EDIL3: variants seen among roughly 807,000 people sequenced by gnomAD.
EDIL3 encodes EGF like and discoidin domains 3.
A neutral mutation model predicts 67.4 loss-of-function variants in EDIL3; 37 were observed. The observed-to-expected ratio is 0.55, with a 90% CI of 0.42 to 0.72. The LOEUF is 0.72. EDIL3 is among the 30% of genes least tolerant of loss of function. The pLI, the probability that EDIL3 is intolerant of heterozygous loss-of-function variation, is 0.00. For synonymous variants in EDIL3, 195 were observed against 196.3 expected (o/e 0.99, Z 0.05); for missense variants, 527 against 586.3 (o/e 0.90, Z 1.04).
In EDIL3 at chr5:84,170,504, T is replaced by C. The variant is rs187153739; in HGVS notation, c.355+9889A>G. On this transcript the variant is annotated intron_variant, in intron 4 of 10. Coordinates refer to ENST00000296591, the MANE Select transcript of EDIL3 (RefSeq NM_005711.5). Reference sequence around the variant, plus strand: ...ACAACAGCAGTGGTATTCTGAAAAATAGTAAGTAAGCTCTCATTAAATATT... The same window carrying C: ...ACAACAGCAGTGGTATTCTGAAAAACAGTAAGTAAGCTCTCATTAAATATT... 2.4e-3 allele frequency among the ~76,000 whole-genome samples: 364 copies of C among 152,232 alleles called. 1 individual carries two copies. The highest frequency in any genetic ancestry group is 8.5e-3 in the African/African-American group (352 of 41,552).
In EDIL3 at chr5:84,303,808, CTGTGTGTG is replaced by C. The variant is rs199605264; in HGVS notation, c.68-49604_68-49597del. Among the ~76,000 whole-genome samples the C allele has an allele frequency of 8.1e-3, 1,102 of 135,384 alleles. 4 individuals carry two copies. The highest frequency in any genetic ancestry group is 0.011 in the Non-Finnish European group (713 of 63,430). The allele number at this position is 135,384 out of a possible 152,430, so 88.8% of individuals were successfully genotyped here. A position where few individuals can be genotyped will look rare whatever the true frequency, so the allele number is the denominator to read the frequency against. On this transcript the variant is annotated intron_variant, in intron 1 of 10. Coordinates refer to ENST00000296591, the MANE Select transcript of EDIL3 (RefSeq NM_005711.5). ...TTGAACAGCATGTCTCTCTCTCTCT[CTGTGTGTG>C]TGTGTGTGTGTGTGTGTGTGTGTGT...
intron 3 of EDIL3, among the ~76,000 whole-genome samples, chr5:84,205,248 A>G (rs1743943757): frequency 6.6e-6 from 1 of 152,032 alleles, no homozygotes; most frequent in African/African-American, 2.4e-5. Flanking sequence ...TAACATATAT[A>G]TATATACCTA....
At chr5:84,075,164 A>G (rs974132828) in intron 6 of EDIL3, among the ~76,000 whole-genome samples, 1 of 151,378 alleles carries the variant, frequency 6.6e-6, no homozygotes, top group African/African-American at 2.4e-5. Context: ...ACACATGGAC[A>G]CAGGAATGGG....
intron 9 of EDIL3, among the ~76,000 whole-genome samples, chr5:83,979,918 C>T (rs1174132242): frequency 1.3e-5 from 2 of 151,996 alleles, no homozygotes; most frequent in African/African-American, 4.8e-5. Context: ...CCTAATGGGC[C>T]GGGTAACACA....
At chr5:84,065,851 C>G in intron 7 of EDIL3, among the ~76,000 whole-genome samples, 1 of 151,798 alleles carries the variant, frequency 6.6e-6, no homozygotes, top group East Asian at 1.9e-4. Flanking sequence ...CGCGGTGGCT[C>G]ACGCCTGTAA....
intron 4 of EDIL3, among the ~76,000 whole-genome samples, chr5:84,146,440 G>A (rs1748290665): frequency 6.6e-6 from 1 of 151,986 alleles, no homozygotes; most frequent in African/African-American, 2.4e-5. Context: ...AGCCTTCAAG[G>A]TATTATTTTA....
At chr5:84,053,815 A>C (rs1746388027) in intron 9 of EDIL3, among the ~76,000 whole-genome samples, 1 of 152,216 alleles carries the variant, frequency 6.6e-6, no homozygotes, top group Non-Finnish European at 1.5e-5. Context: ...GGCAAGAATT[A>C]ATAGCTTACC....
At chr5:83,989,017 A>C (rs1480875596) in intron 9 of EDIL3, among the ~76,000 whole-genome samples, 2 of 152,186 alleles carry the variant, frequency 1.3e-5, no homozygotes, top group African/African-American at 4.8e-5. Flanking sequence ...TTAAGGAAAA[A>C]CAAAATCAAA....
chr5:84,024,610 G>A (rs759148266), intron 9 of EDIL3, among the ~76,000 whole-genome samples: 2 of 152,052 alleles, frequency 1.3e-5, no homozygotes, highest in Non-Finnish European at 2.9e-5. Flanking sequence ...CACTGACAAG[G>A]AATCAGAATC....
intron 1 of EDIL3, among the ~76,000 whole-genome samples, chr5:84,356,143 G>T (rs1747475869): frequency 6.6e-6 from 1 of 152,200 alleles, no homozygotes; most frequent in African/African-American, 2.4e-5. Flanking sequence ...GTGTTGGGAA[G>T]TGTAGCTTCA....
rs1486772230 is a variant in EDIL3, at chr5:84,363,075, A to AGTAAT, written c.67+21232_67+21233insATTAC. 4.1e-3 allele frequency among the ~76,000 whole-genome samples: 625 copies of AGTAAT among 152,258 alleles called. 4 individuals carry two copies. The highest frequency in any genetic ancestry group is 4.7e-3 in the Non-Finnish European group (321 of 68,014). On this transcript the variant is annotated intron_variant, in intron 1 of 10. Coordinates refer to ENST00000296591, the MANE Select transcript of EDIL3 (RefSeq NM_005711.5). ...TGTATTTATTCTACTTTAAGTATAT[A>AGTAAT]CCTTTATAATAAAGTATTAATAACT...
intron 9 of EDIL3, among the ~76,000 whole-genome samples, chr5:84,045,411 G>C (rs1261657861): frequency 1.3e-5 from 2 of 152,136 alleles, no homozygotes; most frequent in Non-Finnish European, 2.9e-5. Flanking sequence ...GGCAAGAGCA[G>C]CATAAAGATT....
At chr5:84,041,942 T>G (rs1746133746) in intron 9 of EDIL3, among the ~76,000 whole-genome samples, 1 of 151,966 alleles carries the variant, frequency 6.6e-6, no homozygotes, top group Non-Finnish European at 1.5e-5. Context: ...AAGAATGGGG[T>G]GAAAAGTGAC....
chr5:84,117,020 A>ATTTTTTTTTTTTT lies in EDIL3; in HGVS notation c.470-10203_470-10191dup, dbSNP rs34997139. ...TATGTAGTATCCAAGTTAAGTACTT[A>ATTTTTTTTTTTTT]TTTTTTTTTTTTTTTTTTTTTTTTT... On this transcript the variant is annotated intron_variant, in intron 5 of 10. Transcript: ENST00000296591. Among the ~76,000 whole-genome samples, 19 of 83,240 alleles carry ATTTTTTTTTTTTT rather than the reference A, an allele frequency of 2.3e-4. 2 individuals carry two copies. The highest frequency in any genetic ancestry group is 8.6e-4 in the East Asian group (2 of 2,318). 54.6% of individuals were successfully genotyped at this position (83,240 alleles called of 152,430 possible).
At chr5:84,359,603 G>A (rs568508033) in intron 1 of EDIL3, among the ~76,000 whole-genome samples, 3 of 152,250 alleles carry the variant, frequency 2.0e-5, no homozygotes, top group East Asian at 1.9e-4. Flanking sequence ...TTGACTTTTA[G>A]ACTAGCTAGA....
Position 84,299,318 on chromosome 5 carries a change from C to T in EDIL3, c.68-45106G>A, listed in dbSNP as rs1384374835. On this transcript the variant is annotated intron_variant, in intron 1 of 10. Transcript: ENST00000296591. ...AAAGAGCAGAATGGGAGTGTTCCCT[C>T]TTTTAGGACTCTCAGCATTATTTTT... Among the ~76,000 whole-genome samples the T allele has an allele frequency of 2.7e-5, 4 of 149,712 alleles. No individual in the cohort carries two copies. In the Admixed American group the frequency reaches 2.7e-4, roughly 10 times the overall value.
At chr5:84,052,370 G>A (rs1746356769) in intron 9 of EDIL3, among the ~76,000 whole-genome samples, 1 of 152,150 alleles carries the variant, frequency 6.6e-6, no homozygotes, top group African/African-American at 2.4e-5. Context: ...AAATTGTAAA[G>A]ACCATCAATG....
intron 7 of EDIL3, among the ~76,000 whole-genome samples, chr5:84,066,001 GCTA>G (rs746185747): frequency 1.6e-4 from 24 of 151,666 alleles, no homozygotes; most frequent in South Asian, 6.3e-4. Flanking sequence ...TGTAGTCCCA[GCTA>G]CTCAGAAGGC....
intron 9 of EDIL3, among the ~76,000 whole-genome samples, chr5:84,059,179 T>C (rs191694483): frequency 6.6e-6 from 1 of 151,600 alleles, no homozygotes; most frequent in Non-Finnish European, 1.5e-5. Context: ...GGCAGGAGGA[T>C]TGGTGGAGGC....
Sources: allele counts gnomAD v4.1 joint callset (sites outside exome capture counted in the v4.1 genomes callset), GRCh38; gene constraint gnomAD v4.1.1; transcripts MANE v1.5; gene names NCBI Gene and HGNC (gene_info 2026-07-23, HGNC 2026-07-21).